The following PCDHA1 variants were observed in gnomAD, a reference collection of about 807,000 sequenced individuals.
The protein encoded by PCDHA1 is protocadherin alpha 1, also known as protocadherin alpha-1.
In PCDHA1, 42 loss-of-function variants were observed where a neutral mutation model predicts 61.3. The observed-to-expected ratio is 0.69, with a 90% CI of 0.54 to 0.89. The LOEUF is 0.89. PCDHA1 is among the 40% of genes least tolerant of loss of function. The pLI is 0.00. For missense variants in PCDHA1, 1,256 were observed against 1,235.3 expected (o/e 1.02, Z -0.25); for synonymous variants, 610 against 553.8 (o/e 1.10, Z -1.43).
chr5:140,960,258 T>G (rs551623092), intron 1 of PCDHA1, among the ~76,000 whole-genome samples: 1 of 152,248 alleles, frequency 6.6e-6, no homozygotes, highest in Non-Finnish European at 1.5e-5. Context: ...CTGGAGCTTC[T>G]GATAAATTCC....
intron 1 of PCDHA1, chr5:140,796,370 C>T (rs782314094): frequency 1.1e-5 from 18 of 1,613,094 alleles, no homozygotes; most frequent in Non-Finnish European, 1.4e-5. Flanking sequence ...GAGAACAACC[C>T]GCCGGGCTGC....
intron 1 of PCDHA1, chr5:140,863,365 G>A (rs2047972870): frequency 2.5e-6 from 3 of 1,201,540 alleles, no homozygotes; most frequent in South Asian, 2.4e-5. Flanking sequence ...GCGGTGCTTG[G>A]CGCAGCTCAC....
chr5:140,852,750 G>A (rs1477121492), intron 1 of PCDHA1: 2 of 984,026 alleles, frequency 2.0e-6, no homozygotes, highest in African/African-American at 3.5e-5. Flanking sequence ...TTTAAACTTG[G>A]ACCCAGGTAT....
chr5:140,873,634 G>C (rs1040264226), intron 1 of PCDHA1, among the ~76,000 whole-genome samples: 1 of 152,158 alleles, frequency 6.6e-6, no homozygotes, highest in Non-Finnish European at 1.5e-5. Flanking sequence ...AGGTCAAAGA[G>C]TATGTGAGAA....
chr5:140,999,528 T>A (rs1414595805), intron 3 of PCDHA1, among the ~76,000 whole-genome samples: 1 of 152,080 alleles, frequency 6.6e-6, no homozygotes, highest in Non-Finnish European at 1.5e-5. Context: ...TGTTACCCCC[T>A]GGATATGACA....
chr5:140,923,951 G>A (rs763582377), intron 1 of PCDHA1, among the ~76,000 whole-genome samples: 4 of 151,984 alleles, frequency 2.6e-5, no homozygotes, highest in Non-Finnish European at 2.9e-5. Context: ...TTTTCCTCAC[G>A]CCCTAATCTA....
intron 3 of PCDHA1, among the ~76,000 whole-genome samples, chr5:140,985,803 G>T (rs536777034): frequency 2.9e-5 from 4 of 139,766 alleles, no homozygotes; most frequent in Non-Finnish European, 6.0e-5. Context: ...GCAGTGGCAC[G>T]ATCTCAGCTC....
In PCDHA1 at chr5:140,826,703, G is replaced by A. The variant is rs1350880240; in HGVS notation, c.2394+38019G>A. Among the ~76,000 whole-genome samples the A allele has an allele frequency of 3.9e-5, 6 of 152,222 alleles. No individual in the cohort carries two copies. In the East Asian group the frequency reaches 5.8e-4, roughly 15 times the overall value. Reference sequence around the variant, plus strand: ...AAAAAAACCCAGCTAAAACAAAGGTGGTATTGAGAAAGAGGAAGAGCAAGT... The same window carrying A: ...AAAAAAACCCAGCTAAAACAAAGGTAGTATTGAGAAAGAGGAAGAGCAAGT... On this transcript the variant is annotated intron_variant, in intron 1 of 3. Coordinates refer to ENST00000504120, the MANE Select transcript of PCDHA1 (RefSeq NM_018900.4).
chr5:140,938,062 A>G (rs2091901426), intron 1 of PCDHA1, among the ~76,000 whole-genome samples: 1 of 152,176 alleles, frequency 6.6e-6, no homozygotes, highest in Non-Finnish European at 1.5e-5. Context: ...ATATACTGTC[A>G]TGCTATTCCC....
At chr5:140,805,105 T>G in intron 1 of PCDHA1, 1 of 1,591,374 alleles carries the variant, frequency 6.3e-7, no homozygotes, top group Non-Finnish European at 8.5e-7. Flanking sequence ...TTGAAACTAT[T>G]GTCTAACAAG....
rs2150157115 is a variant in PCDHA1, at chr5:140,828,583, A to G, written c.2394+39899A>G. 8.7e-6 allele frequency: 14 copies of G among 1,614,126 alleles called. No individual in the cohort carries two copies. In the Admixed American group the frequency reaches 2.3e-4, roughly 27 times the overall value. ...GCGCGTCCGATGCAGATGTTGGCTC[A>G]AATTCCATCTTAACCTATAAACTCA... On this transcript the variant is annotated intron_variant, in intron 1 of 3. Transcript: ENST00000504120.
In PCDHA1 at chr5:140,995,657, A is replaced by C. The variant is rs188298109; in HGVS notation, c.2542+13094A>C. Among the ~76,000 whole-genome samples, 56 of 152,328 alleles carry C rather than the reference A, an allele frequency of 3.7e-4. No homozygotes were observed. The East Asian group carries it at 7.7e-3, about 21-fold the overall frequency. Reference sequence around the variant, plus strand: ...AGTGTTTAGAAAAGGAGAATCGAAAAGGGAAGTAAATGCAGCATTTTTTTT... The same window carrying C: ...AGTGTTTAGAAAAGGAGAATCGAAACGGGAAGTAAATGCAGCATTTTTTTT... On this transcript the variant is annotated intron_variant, in intron 3 of 3. Coordinates refer to ENST00000504120, the MANE Select transcript of PCDHA1 (RefSeq NM_018900.4).
intron 1 of PCDHA1, chr5:140,881,269 G>T (rs1016077757): frequency 3.1e-6 from 2 of 648,656 alleles, no homozygotes; most frequent in Non-Finnish European, 1.9e-6. Context: ...CAGTGATGAT[G>T]AAGTAAGATG....
intron 1 of PCDHA1, chr5:140,968,527 G>T: frequency 3.1e-6 from 5 of 1,614,142 alleles, no homozygotes; most frequent in Non-Finnish European, 4.2e-6. Flanking sequence ...CAACCAACTC[G>T]TCAGCAGCCT....
At chr5:140,828,537 A>T (rs2150156505) in intron 1 of PCDHA1, 2 of 1,614,236 alleles carry the variant, frequency 1.2e-6, no homozygotes, top group South Asian at 1.1e-5. Flanking sequence ...AGGCTGCCAG[A>T]TTCTGTGTTT....
At position 140,803,106 on chromosome 5, in the gene PCDHA1, C is replaced by G. The variant is rs781825644; in HGVS notation, c.2394+14422C>G. Reference sequence around the variant, plus strand: ...GGGAGAGATCAGCACGACCCGTGCCCTGGACGAGGTGGACGCCCCGCGCCA... The same window carrying G: ...GGGAGAGATCAGCACGACCCGTGCCGTGGACGAGGTGGACGCCCCGCGCCA... On this transcript the variant is annotated intron_variant, in intron 1 of 3. Transcript: ENST00000504120. 3.7e-6 allele frequency: 6 copies of G among 1,613,860 alleles called. No individual in the cohort carries two copies. Among genetic ancestry groups the G allele is most frequent in the Non-Finnish European group, 5.1e-6 (6 of 1,179,950 alleles).
intron 1 of PCDHA1, among the ~76,000 whole-genome samples, chr5:140,838,286 T>A (rs1216853722): frequency 2.0e-5 from 3 of 149,522 alleles, no homozygotes; most frequent in Admixed American, 6.7e-5. Flanking sequence ...GCTAATTTTT[T>A]TTTTTTTTTG....
Position 140,870,311 on chromosome 5 carries a change from A to C in PCDHA1, c.2394+81627A>C, listed in dbSNP as rs143855054. The C allele has an allele frequency of 1.9e-6, 3 of 1,614,154 alleles. No homozygotes were observed. In the African/African-American group the frequency reaches 4.0e-5, roughly 22 times the overall value. On this transcript the variant is annotated intron_variant, in intron 1 of 3. Transcript: ENST00000504120. ...AAGCTGGTGTCCACCTTCAAGAATT[A>C]CTACTCGTTGGTGCTGGACAGCGCC...
At chr5:140,980,897 A>G (rs2096910436) in intron 2 of PCDHA1, among the ~76,000 whole-genome samples, 1 of 152,186 alleles carries the variant, frequency 6.6e-6, no homozygotes, top group African/African-American at 2.4e-5. Context: ...AGTCTTGGAC[A>G]TCATGTAACT....
Sources: gnomAD v4.1 joint callset for allele counts (sites outside exome capture counted in the v4.1 genomes callset) on GRCh38, gnomAD v4.1.1 for gene constraint, MANE v1.5 for transcripts, NCBI Gene and HGNC (gene_info 2026-07-23, HGNC 2026-07-21) for gene names.